Variants in OR10K1 observed in about 807,000 individuals in gnomAD.
The protein encoded by OR10K1 is olfactory receptor family 10 subfamily K member 1.
For missense variants in OR10K1, 404 were observed against 373.3 expected, an observed-to-expected ratio of 1.08 and a Z score of -0.68; for synonymous variants, 186 against 152.5, an observed-to-expected ratio of 1.22 and a Z score of -1.62.
At position 158,467,398 on chromosome 1, in the gene OR10K1, TATC is replaced by T. The variant is rs910120224; in HGVS notation, c.*898_*900del. 1.3e-5 allele frequency: 2 copies of T among 152,178 alleles called. No homozygotes were observed. Among genetic ancestry groups the T allele is most frequent in the Non-Finnish European group, 1.5e-5 (1 of 68,034 alleles). 9.4% of individuals were successfully genotyped at this position (152,178 alleles called of 1,614,324 possible). ...TAGTTTCCACCTACCTCTTCAGTAT[TATC>T]ATTTCTAATTTTGTTATTCTCCATT... On this transcript the variant is annotated 3_prime_UTR_variant, in exon 2 of 2. Coordinates refer to ENST00000641535, the MANE Select transcript of OR10K1 (RefSeq NM_001004473.2).
At chr1:158,464,752 G>A (rs1157622428) in intron 1 of OR10K1, among the ~76,000 whole-genome samples, 6 of 152,126 alleles carry the variant, frequency 3.9e-5, no homozygotes, top group African/African-American at 1.4e-4. Context: ...GGGCTCAAGT[G>A]AATCTCATGC....
intron 1 of OR10K1, among the ~76,000 whole-genome samples, chr1:158,462,346 G>T (rs1655937765): frequency 1.2e-5 from 1 of 85,952 alleles, no homozygotes; most frequent in Non-Finnish European, 2.9e-5. Context: ...CTCATAGCTA[G>T]ATTTTATTTT....
rs186745549 is a variant in OR10K1 at position 158,463,169 on chromosome 1, A to C, written c.-157+1265A>C. On this transcript the variant is annotated intron_variant, in intron 1 of 1. Coordinates refer to ENST00000641535, the MANE Select transcript of OR10K1 (RefSeq NM_001004473.2). ...GAAGGTATATACTTCATCTAAAGTC[A>C]CAGAAGACTAGACCTGAAACCTAAA... 6.4e-4 allele frequency among the ~76,000 whole-genome samples: 98 copies of C among 152,256 alleles called. 1 individual carries two copies. Among genetic ancestry groups the C allele is most frequent in the African/African-American group, 2.1e-3 (89 of 41,566 alleles).
intron 1 of OR10K1, 25 bp from the exon 2 acceptor site, chr1:158,465,381 A>G (rs1656011269): frequency 4.9e-6 from 3 of 609,018 alleles, no homozygotes; most frequent in South Asian, 4.1e-5. Context: ...ATTCTTTTGC[A>G]TATTTTGCCT....
intron 1 of OR10K1, among the ~76,000 whole-genome samples, chr1:158,464,355 TAACATAAC>T (rs1238331004): frequency 6.6e-6 from 1 of 152,190 alleles, no homozygotes. Flanking sequence ...GAAATCTTAT[TAACATAAC>T]AACATACAAA....
At chr1:158,464,031 ATTAAC>A (rs1394469463) in intron 1 of OR10K1, among the ~76,000 whole-genome samples, 1 of 152,204 alleles carries the variant, frequency 6.6e-6, no homozygotes, top group Admixed American at 6.5e-5. Flanking sequence ...TGCCTGATGA[ATTAAC>A]TTAGGATTCA....
chr1:158,465,550 G>T lies in OR10K1; in HGVS notation c.-12G>T, dbSNP rs766742024. The T allele has an allele frequency of 2.5e-6, 4 of 1,607,758 alleles. No individual in the cohort carries two copies. The highest frequency in any genetic ancestry group is 2.6e-6 in the Non-Finnish European group (3 of 1,175,168). ...CCTCTGTCCCTGACTCTCCTTTATA[G>T]AAGTGCTCTCCATGGAGCAAGTCAA... On this transcript the variant is annotated 5_prime_UTR_variant, in exon 2 of 2. The change abolishes the stop of an existing upstream ORF in the 5' untranslated region. Transcript: ENST00000641535.
At position 158,465,947 on chromosome 1, in the gene OR10K1, C is replaced by A; in HGVS notation, c.386C>A (p.Pro129Gln). 1.9e-6 allele frequency: 3 copies of A among 1,614,136 alleles called. No individual in the cohort carries two copies. The highest frequency in any genetic ancestry group is 2.5e-6 in the Non-Finnish European group (3 of 1,180,026). Residue 129 changes from proline (P) to glutamine (Q), a missense_variant, in exon 2 of 2, where the codon CCA (proline) becomes CAA (glutamine). Coordinates refer to ENST00000641535, the MANE Select transcript of OR10K1 (RefSeq NM_001004473.2). ...GYDRYMAICN[P>Q]LRYSVLMGHG... ...GATCGCTATATGGCCATCTGTAACC[C>A]ACTGCGCTACTCAGTGCTCATGGGA...
chr1:158,463,350 G>C (rs889263249), intron 1 of OR10K1, among the ~76,000 whole-genome samples: 4 of 152,098 alleles, frequency 2.6e-5, no homozygotes, highest in African/African-American at 9.7e-5. Context: ...AGCAGATGGG[G>C]GCTGCCTTCT....
In OR10K1 at chr1:158,466,477, G is replaced by T. The variant is rs371161558; in HGVS notation, c.916G>T (p.Gly306Cys). ...CAAATCAGCCCTACGAAGAACAATC[G>T]GCCAAACTTTCTATCCTCTTAGTTA... ...EFKSALRRTI[G>C]QTFYPLS Residue 306 changes from glycine to cysteine, a missense_variant, in exon 2 of 2, where the codon GGC becomes TGC. Transcript: ENST00000641535. 5.6e-5 allele frequency: 90 copies of T among 1,613,524 alleles called. No individual in the cohort carries two copies. In the Admixed American group the frequency reaches 1.5e-3, roughly 27 times the overall value.
Position 158,466,169 on chromosome 1 carries a change from G to C in OR10K1, c.608G>C (p.Gly203Ala), listed in dbSNP as rs1452647884. ...GFSQLVIFML[G>A]VFALVIPLLL... is the part of the protein sequence containing the mutation. Reference sequence around the variant, plus strand: ...AGTCAGCTGGTCATATTCATGCTTGGTGTATTTGCCTTGGTCATTCCTCTG... The same window carrying C: ...AGTCAGCTGGTCATATTCATGCTTGCTGTATTTGCCTTGGTCATTCCTCTG... The change falls in exon 2 of 2, where the codon GGT becomes GCT. Residue 203 changes from glycine to alanine, a missense_variant. Gly to Ala is a moderately conservative substitution (Grantham distance 60). Transcript: ENST00000641535. 6.2e-7 allele frequency: 1 copy of C among 1,614,008 alleles called. No individual in the cohort carries two copies.
At chr1:158,464,602 A>AT (rs1191157800) in intron 1 of OR10K1, among the ~76,000 whole-genome samples, 1 of 151,990 alleles carries the variant, frequency 6.6e-6, no homozygotes, top group Non-Finnish European at 1.5e-5. Flanking sequence ...TGAAAGAAGA[A>AT]TTTTTTTCTT....
Position 158,466,376 on chromosome 1 carries a change from C to T in OR10K1, c.815C>T (p.Thr272Ile). 6.2e-7 allele frequency: 1 copy of T among 1,613,726 alleles called. No homozygotes were observed. Among genetic ancestry groups the T allele is most frequent in the South Asian group, 1.1e-5 (1 of 91,054 alleles). Residue 272 changes from threonine to isoleucine, a missense_variant, in exon 2 of 2, where the codon ACC (threonine) becomes ATC (isoleucine). Coordinates refer to ENST00000641535, the MANE Select transcript of OR10K1 (RefSeq NM_001004473.2). ...PKTNYTSSQD[T>I]LISVSYTILT... ...ACTAATTACACTTCAAGCCAAGACA[C>T]CCTAATATCTGTGTCATACACCATC...
chr1:158,464,781 T>G (rs374027687), intron 1 of OR10K1, among the ~76,000 whole-genome samples: 48 of 152,252 alleles, frequency 3.2e-4, no homozygotes, highest in African/African-American at 1.1e-3. Flanking sequence ...CCCGAGTAGC[T>G]GGGATTACAG....
At position 158,465,639 on chromosome 1, in the gene OR10K1, G is replaced by A. The variant is rs1221559764; in HGVS notation, c.78G>A (p.Leu26=). The A allele has an allele frequency of 6.2e-7, 1 of 1,614,094 alleles. No homozygotes were observed. Among genetic ancestry groups the A allele is most frequent in the South Asian group, 1.1e-5 (1 of 91,080 alleles). Residue 26 remains leucine, a synonymous_variant, in exon 2 of 2, where the codon CTG becomes CTA. Transcript: ENST00000641535. ...GFSSLARLQQ[L]LFVIFLLLYL... ...CATCCCTGGCCAGGCTGCAGCAGCT[G>A]CTCTTTGTTATCTTCCTGCTCCTCT...
In OR10K1 at chr1:158,466,162, A is replaced by G. The variant is rs1173797769; in HGVS notation, c.601A>G (p.Met201Val). Residue 201 changes from methionine to valine, a missense_variant, in exon 2 of 2, where the codon ATG becomes GTG. By Grantham distance (21) the Met-to-Val change is conservative. Coordinates refer to ENST00000641535, the MANE Select transcript of OR10K1 (RefSeq NM_001004473.2). ...HSGFSQLVIFMLGVFALVIPL... is the reference protein window; with the variant it reads ...HSGFSQLVIFVLGVFALVIPL... Reference sequence around the variant, plus strand: ...CGGCTTCAGTCAGCTGGTCATATTCATGCTTGGTGTATTTGCCTTGGTCAT... The same window carrying G: ...CGGCTTCAGTCAGCTGGTCATATTCGTGCTTGGTGTATTTGCCTTGGTCAT... The G allele has an allele frequency of 3.1e-6, 5 of 1,613,892 alleles. No homozygotes were observed. Among genetic ancestry groups the G allele is most frequent in the Non-Finnish European group, 3.4e-6 (4 of 1,179,932 alleles).
chr1:158,466,131 G>A lies in OR10K1; in HGVS notation c.570G>A (p.Gln190=). The change falls in exon 2 of 2, where the codon CAG becomes CAA. Residue 190 remains glutamine (Q), a synonymous_variant. Coordinates refer to ENST00000641535, the MANE Select transcript of OR10K1 (RefSeq NM_001004473.2). ...DISPVLKLAS[Q]HSGFSQLVIF... The stretch of plus-strand genomic sequence containing the variant: ...CCCCTGTCCTTAAACTGGCATCTCA[G>A]CACTCCGGCTTCAGTCAGCTGGTCA... The A allele has an allele frequency of 2.5e-6, 4 of 1,613,874 alleles. No individual in the cohort carries two copies. Among genetic ancestry groups the A allele is most frequent in the Non-Finnish European group, 3.4e-6 (4 of 1,179,906 alleles).
rs755079525 is a variant in OR10K1 at position 158,466,256 on chromosome 1, T to C, written c.695T>C (p.Val232Ala). ...GCCATTCTAAAAATCCCTTCCTCCG[T>C]TGGAAGATACAAGACCTTCTCCACC... The part of the protein sequence containing the change: ...ISAILKIPSS[V>A]GRYKTFSTCA... The change falls in exon 2 of 2, where the codon GTT becomes GCT. Residue 232 changes from valine (V) to alanine (A), a missense_variant. Coordinates refer to ENST00000641535, the MANE Select transcript of OR10K1 (RefSeq NM_001004473.2). 6.2e-6 allele frequency: 10 copies of C among 1,614,144 alleles called. No individual in the cohort carries two copies. The highest frequency in any genetic ancestry group is 4.4e-5 in the South Asian group (4 of 91,088).
intron 1 of OR10K1, among the ~76,000 whole-genome samples, chr1:158,463,955 C>A (rs1356497544): frequency 6.6e-6 from 1 of 151,640 alleles, no homozygotes; most frequent in Non-Finnish European, 1.5e-5. Flanking sequence ...GGACCAGTTT[C>A]TAGTAAGTAA....
Sources: gnomAD v4.1 joint callset for allele counts (sites outside exome capture counted in the v4.1 genomes callset) on GRCh38, gnomAD v4.1.1 for gene constraint, MANE v1.5 for transcripts, NCBI Gene and HGNC (gene_info 2026-07-23, HGNC 2026-07-21) for gene names.